CSMD1: variants seen among roughly 807,000 people sequenced by gnomAD.
CSMD1 encodes CUB and sushi domain-containing protein 1.
A neutral mutation model predicts 417.5 loss-of-function variants in CSMD1; 213 were observed. The ratio of observed to expected loss-of-function variants is 0.51; its 90% CI spans 0.46 to 0.57. The LOEUF (loss-of-function observed/expected upper bound fraction) is 0.57, where lower values mean the gene tolerates loss of function less well. Ranked by LOEUF, CSMD1 falls within the 20% of genes least tolerant of loss-of-function variation. The pLI, the probability that CSMD1 is intolerant of heterozygous loss-of-function variation, is 0.00. For synonymous variants in CSMD1, 2,862 were observed against 1,736.8 expected (o/e 1.65, Z -16.11); for missense variants, 6,923 against 4,529.7 (o/e 1.53, Z -15.17).
At chr8:4,277,774 G>C (rs1411766403) in intron 3 of CSMD1, among the ~76,000 whole-genome samples, 2 of 152,112 alleles carry the variant, frequency 1.3e-5, no homozygotes, top group Admixed American at 1.3e-4. Context: ...CTGAGACGGA[G>C]TCTCACTCTG....
chr8:3,523,691 A>T (rs370647010), intron 10 of CSMD1, among the ~76,000 whole-genome samples: 1 of 151,938 alleles, frequency 6.6e-6, no homozygotes, highest in African/African-American at 2.4e-5. Context: ...CCAGAGAGAC[A>T]TATGCACACA....
intron 1 of CSMD1, among the ~76,000 whole-genome samples, chr8:4,653,745 C>T (rs1804054211): frequency 6.6e-6 from 1 of 152,040 alleles, no homozygotes; most frequent in South Asian, 2.1e-4. Flanking sequence ...TGTATTCAAA[C>T]ACATTTGGTT....
chr8:4,261,967 C>T (rs1184219545), intron 3 of CSMD1, among the ~76,000 whole-genome samples: 2 of 151,972 alleles, frequency 1.3e-5, no homozygotes, highest in Admixed American at 6.6e-5. Context: ...AAAATTAAAA[C>T]CTGAAGTCTG....
intron 10 of CSMD1, among the ~76,000 whole-genome samples, chr8:3,539,672 C>G (rs1798355854): frequency 1.3e-5 from 2 of 151,000 alleles, no homozygotes; most frequent in South Asian, 2.1e-4. Context: ...TTGTCACCCA[C>G]TAAGAACCAA....
chr8:3,541,898 C>T (rs1000674685), intron 10 of CSMD1, among the ~76,000 whole-genome samples: 2 of 152,054 alleles, frequency 1.3e-5, no homozygotes, highest in Admixed American at 1.3e-4. Flanking sequence ...CCCATCTCTA[C>T]TCAAAATACA....
intron 5 of CSMD1, among the ~76,000 whole-genome samples, chr8:3,970,445 T>G (rs969964064): frequency 2.0e-5 from 3 of 152,186 alleles, no homozygotes; most frequent in Non-Finnish European, 4.4e-5. Flanking sequence ...GACATGGCCA[T>G]GAGAAACTCT....
chr8:4,469,472 T>C (rs1800394902), intron 2 of CSMD1, among the ~76,000 whole-genome samples: 1 of 152,188 alleles, frequency 6.6e-6, no homozygotes, highest in South Asian at 2.1e-4. Flanking sequence ...AGAGAACCAA[T>C]TCAGATCAAA....
At chr8:3,492,985 A>G (rs938097978) in intron 11 of CSMD1, among the ~76,000 whole-genome samples, 5 of 152,164 alleles carry the variant, frequency 3.3e-5, no homozygotes, top group Non-Finnish European at 7.3e-5. Context: ...AGGGAAGCAG[A>G]GGAGAGAGGT....
rs1261486277 is a variant in CSMD1 at position 3,409,507 on chromosome 8, G to C, written c.1660C>G (p.Pro554Ala). 6.2e-7 allele frequency: 1 copy of C among 1,611,100 alleles called. No homozygotes were observed. The highest frequency in any genetic ancestry group is 8.5e-7 in the Non-Finnish European group (1 of 1,178,788). Residue 554 changes from proline to alanine, a missense_variant, in exon 13 of 70, where the codon CCG (proline) becomes GCG (alanine). Transcript: ENST00000635120. ...TCCCCCACCAGCTCAAAGGCCGCCG[G>C]GCATTCAAAGGTGAGTGTATCTCCA... The part of the protein sequence containing the change: ...LHGDTLTFEC[P>A]AAFELVGERV...
Position 4,154,084 on chromosome 8 carries a change from C to T in CSMD1, c.416-121985G>A, listed in dbSNP as rs17069138. 8.8e-3 allele frequency among the ~76,000 whole-genome samples: 1,333 copies of T among 152,248 alleles called. 22 individuals are homozygous for T. The highest frequency in any genetic ancestry group is 0.031 in the African/African-American group (1,268 of 41,550). On this transcript the variant is annotated intron_variant, in intron 3 of 69. Coordinates refer to ENST00000635120, the MANE Select transcript of CSMD1 (RefSeq NM_033225.6). ...GGTAATAAATAAATTGGAAGAAACA[C>T]TGAAAATACAGCAAAGAGTCAGGAG...
chr8:3,779,038 C>A (rs1431243310), intron 5 of CSMD1, among the ~76,000 whole-genome samples: 2 of 152,074 alleles, frequency 1.3e-5, no homozygotes, highest in African/African-American at 4.8e-5. Context: ...GCATGATCAA[C>A]GTTTTCATAA....
chr8:3,409,006 C>A (rs556862695), intron 13 of CSMD1, among the ~76,000 whole-genome samples: 2 of 152,274 alleles, frequency 1.3e-5, no homozygotes, highest in South Asian at 2.1e-4. Flanking sequence ...AGCTCATCAA[C>A]TGAATTCCAA....
chr8:4,260,330 T>A (rs1006343032), intron 3 of CSMD1, among the ~76,000 whole-genome samples: 5 of 152,208 alleles, frequency 3.3e-5, no homozygotes, highest in Admixed American at 2.0e-4. Context: ...CTGTTTTTAT[T>A]TGCCTGATTT....
chr8:4,327,567 C>T (rs146276069), intron 3 of CSMD1, among the ~76,000 whole-genome samples: 11 of 152,138 alleles, frequency 7.2e-5, no homozygotes, highest in Admixed American at 5.9e-4. Flanking sequence ...GTGGGGCGCT[C>T]ATCACTGTCA....
At chr8:4,821,906 A>G (rs1256599924) in intron 1 of CSMD1, among the ~76,000 whole-genome samples, 33 of 152,204 alleles carry the variant, frequency 2.2e-4, no homozygotes, top group African/African-American at 7.2e-4. Context: ...GTGTGTAATC[A>G]CATTTGCTTG....
intron 5 of CSMD1, among the ~76,000 whole-genome samples, chr8:3,968,669 G>A (rs1429414315): frequency 6.6e-6 from 1 of 152,096 alleles, no homozygotes; most frequent in Admixed American, 6.5e-5. Flanking sequence ...CCCGAAAGCT[G>A]ATAGTGTTAG....
At chr8:3,485,308 G>A (rs935258788) in intron 11 of CSMD1, among the ~76,000 whole-genome samples, 1 of 152,124 alleles carries the variant, frequency 6.6e-6, no homozygotes, top group African/African-American at 2.4e-5. Context: ...CACACTACGT[G>A]CTTCTAATTA....
chr8:3,427,449 T>C (rs559257807), intron 12 of CSMD1, among the ~76,000 whole-genome samples: 1 of 152,248 alleles, frequency 6.6e-6, no homozygotes, highest in Admixed American at 6.5e-5. Flanking sequence ...ACAATTCCTA[T>C]ATATATATTT....
At chr8:3,981,027 G>A (rs1417836368) in intron 5 of CSMD1, among the ~76,000 whole-genome samples, 2 of 152,066 alleles carry the variant, frequency 1.3e-5, no homozygotes, top group Non-Finnish European at 2.9e-5. Context: ...CAACTATCCT[G>A]TAGTAACCAT....
Sources: gnomAD v4.1 joint callset for allele counts (sites outside exome capture counted in the v4.1 genomes callset) on GRCh38, gnomAD v4.1.1 for gene constraint, MANE v1.5 for transcripts, NCBI Gene and HGNC (gene_info 2026-07-23, HGNC 2026-07-21) for gene names.